EPB41: variants seen among roughly 807,000 people sequenced by gnomAD.
The protein encoded by EPB41 is erythrocyte membrane protein band 4.1.
In EPB41, 65 loss-of-function variants were observed where a neutral mutation model predicts 108.0. That is an observed-to-expected ratio of 0.60 (90% CI 0.49 to 0.74). The LOEUF is 0.74. Ranked by LOEUF, EPB41 falls within the 30% of genes least tolerant of loss-of-function variation. The pLI, the probability that EPB41 is intolerant of heterozygous loss-of-function variation, is 0.00. For missense variants in EPB41, 875 were observed against 1,037.0 expected, an observed-to-expected ratio of 0.84 and a Z score of 2.15; for synonymous variants, 336 against 358.9, an observed-to-expected ratio of 0.94 and a Z score of 0.72.
At chr1:29,080,502 G>A (rs1221859184) in intron 16 of EPB41, among the ~76,000 whole-genome samples, 1 of 150,750 alleles carries the variant, frequency 6.6e-6, no homozygotes, top group Non-Finnish European at 1.5e-5. Context: ...TCGACCTTCT[G>A]GCCTCAAATA....
At chr1:28,939,261 G>T (rs2094177395) in intron 1 of EPB41, among the ~76,000 whole-genome samples, 1 of 152,016 alleles carries the variant, frequency 6.6e-6, no homozygotes, top group South Asian at 2.1e-4. Context: ...TGATCATGTG[G>T]ATTTTGTCTT....
chr1:28,926,151 C>G (rs2093433002), intron 1 of EPB41, among the ~76,000 whole-genome samples: 1 of 150,360 alleles, frequency 6.7e-6, no homozygotes, highest in Non-Finnish European at 1.5e-5. Context: ...TCGAGGCCAG[C>G]CTGGCCAAAC....
chr1:29,030,551 A>T (rs11589000), intron 8 of EPB41, 64 bp downstream of exon 8: 1 of 1,183,852 alleles, frequency 8.4e-7, no homozygotes, highest in African/African-American at 1.5e-5. Flanking sequence ...CATGTCTGTT[A>T]TGTATGTATC....
chr1:28,899,477 A>G (rs2091054489), intron 1 of EPB41, among the ~76,000 whole-genome samples: 1 of 152,028 alleles, frequency 6.6e-6, no homozygotes, highest in African/African-American at 2.4e-5. Context: ...CACCCATGAC[A>G]GTTTCCCTTT....
chr1:29,057,259 C>T (rs1263732851), intron 12 of EPB41, among the ~76,000 whole-genome samples: 2 of 150,490 alleles, frequency 1.3e-5, no homozygotes, highest in Non-Finnish European at 2.9e-5. Context: ...GCCTGTAGTC[C>T]CAGCTACTTG....
intron 9 of EPB41, among the ~76,000 whole-genome samples, chr1:29,035,391 T>G (rs949675259): frequency 1.3e-5 from 2 of 152,198 alleles, no homozygotes; most frequent in African/African-American, 4.8e-5. Context: ...AATCTTTAGC[T>G]CCTATTACTA....
chr1:28,935,470 C>CCT (rs1557725657), intron 1 of EPB41, among the ~76,000 whole-genome samples: 2 of 80,342 alleles, frequency 2.5e-5, no homozygotes, highest in Non-Finnish European at 2.7e-5. Flanking sequence ...CACACACACC[C>CCT]CCCCCCCCCC....
chr1:29,061,259 A>C (rs147382032), intron 15 of EPB41, among the ~76,000 whole-genome samples: 2 of 151,896 alleles, frequency 1.3e-5, no homozygotes, highest in African/African-American at 4.8e-5. Context: ...TATATATATA[A>C]AATTTTTATT....
chr1:29,017,987 G>A (rs747233669), intron 6 of EPB41, among the ~76,000 whole-genome samples: 5 of 151,552 alleles, frequency 3.3e-5, no homozygotes, highest in Non-Finnish European at 5.9e-5. Flanking sequence ...TTTTTTTTAA[G>A]TTTTAATATG....
intron 2 of EPB41, among the ~76,000 whole-genome samples, chr1:28,991,381 A>T (rs987436126): frequency 6.6e-6 from 1 of 151,922 alleles, no homozygotes; most frequent in African/African-American, 2.4e-5. Context: ...GGTAAATAAA[A>T]ACTGCAATAT....
At chr1:29,052,349 A>G (rs1372468533) in intron 11 of EPB41, among the ~76,000 whole-genome samples, 1 of 152,186 alleles carries the variant, frequency 6.6e-6, no homozygotes, top group East Asian at 1.9e-4. Flanking sequence ...GGGACAATTT[A>G]CTCCAGTTGA....
intron 16 of EPB41, among the ~76,000 whole-genome samples, chr1:29,087,577 G>A (rs1659589808): frequency 6.6e-6 from 1 of 151,824 alleles, no homozygotes; most frequent in South Asian, 2.1e-4. Context: ...GGTCAGGCTG[G>A]TCTCGAACTC....
chr1:29,038,993 T>C (rs1640515515), intron 10 of EPB41, among the ~76,000 whole-genome samples: 1 of 152,198 alleles, frequency 6.6e-6, no homozygotes. Context: ...GTAAAAATAC[T>C]GCAGTGCTGT....
chr1:29,058,172 A>T (rs1645882565), intron 12 of EPB41, among the ~76,000 whole-genome samples: 1 of 152,208 alleles, frequency 6.6e-6, no homozygotes, highest in South Asian at 2.1e-4. Flanking sequence ...TGATAACTTC[A>T]TATGTAAATT....
At chr1:29,002,976 C>CCACTT (rs1188859260) in intron 4 of EPB41, among the ~76,000 whole-genome samples, 1 of 152,152 alleles carries the variant, frequency 6.6e-6, no homozygotes. Flanking sequence ...TAGCATCTAC[C>CCACTT]CACTTCCTTT....
intron 1 of EPB41, among the ~76,000 whole-genome samples, chr1:28,907,873 T>C (rs957767159): frequency 1.3e-5 from 2 of 151,958 alleles, no homozygotes; most frequent in Non-Finnish European, 2.9e-5. Context: ...TCTCACTATG[T>C]TGCCTAGACT....
chr1:29,021,877 C>T (rs6704525), intron 7 of EPB41, among the ~76,000 whole-genome samples: 3,809 of 152,142 alleles, frequency 0.025, 152 homozygotes, highest in African/African-American at 0.087. Context: ...CCATCGCGCC[C>T]GGTGGCCATC....
chr1:29,109,411 A>G lies in EPB41; in HGVS notation c.2389A>G (p.Ser797Gly). 1 of 1,614,134 alleles carries G rather than the reference A, an allele frequency of 6.2e-7. No homozygotes were observed. The change falls in exon 18 of 21, where the codon AGC (serine) becomes GGC (glycine). Residue 797 changes from serine (S) to glycine (G), a missense_variant. Ser to Gly is a moderately conservative substitution (Grantham distance 56). Transcript: ENST00000343067. ...AACTATCACATCTGAGACCCCAAGC[A>G]GCACCACCACAACTCAAATTACCAA... ...AQTITSETPS[S>G]TTTTQITKTV... is the part of the protein sequence containing the mutation.
At chr1:29,019,040 T>C (rs771773602) in intron 7 of EPB41, among the ~76,000 whole-genome samples, 2 of 152,202 alleles carry the variant, frequency 1.3e-5, no homozygotes, top group South Asian at 2.1e-4. Flanking sequence ...CTTTCAATTA[T>C]AATGTCTCTG....
Sources: allele counts gnomAD v4.1 joint callset (sites outside exome capture counted in the v4.1 genomes callset), GRCh38; gene constraint gnomAD v4.1.1; transcripts MANE v1.5; gene names NCBI Gene and HGNC (gene_info 2026-07-23, HGNC 2026-07-21).